The following PHF6 variants were observed in gnomAD, a reference collection of about 807,000 sequenced individuals.
PHF6 encodes PHD-like zinc finger protein.
A neutral mutation model predicts 34.0 loss-of-function variants in PHF6; 7 were observed. The ratio of observed to expected loss-of-function variants is 0.21; its 90% confidence interval spans 0.12 to 0.39. The LOEUF is 0.39. Among genes scored for constraint, PHF6 ranks in the 10% least tolerant of loss-of-function variants. The pLI is 1.00. For synonymous variants in PHF6, 89 were observed against 88.4 expected, an observed-to-expected ratio of 1.01 and a Z score of -0.04; for missense variants, 128 against 262.8, an observed-to-expected ratio of 0.49 and a Z score of 3.55.
At position 134,412,390 on chromosome X, in the gene PHF6, T is replaced by G. The variant is rs111334506; in HGVS notation, c.419-1101T>G. ...GTATACCAACTGAATTGCCCTTTTC[T>G]TATAATAAATGTGCTTTCATTTCTA... On this transcript the variant is annotated intron_variant, in intron 5 of 10. Coordinates refer to ENST00000370803, the MANE Select transcript of PHF6 (RefSeq NM_001015877.2). Among the ~76,000 whole-genome samples the G allele has an allele frequency of 7.3e-3, 816 of 111,993 alleles. 5 individuals are homozygous for G. The highest frequency in any genetic ancestry group is 0.025 in the African/African-American group (776 of 30,861).
At chrX:134,394,051 T>C in intron 5 of PHF6, 99 bp downstream of exon 5, 1 of 753,390 alleles carries the variant, frequency 1.3e-6, no homozygotes, top group Non-Finnish European at 2.1e-6. Context: ...CCATAAGACA[T>C]ATCTCAACAT....
At chrX:134,390,454 A>T (rs2124215799) in intron 3 of PHF6, among the ~76,000 whole-genome samples, 1 of 112,210 alleles carries the variant, frequency 8.9e-6, no homozygotes, top group South Asian at 3.7e-4. Context: ...TGCTGTAGTT[A>T]ACTGGTTATT....
intron 5 of PHF6, among the ~76,000 whole-genome samples, chrX:134,402,849 G>T (rs1298984517): frequency 9.0e-6 from 1 of 111,563 alleles, no homozygotes; most frequent in Non-Finnish European, 1.9e-5. Context: ...ATCCGTTATG[G>T]TGATCTGTGA....
chrX:134,404,214 G>A (rs1291671365), intron 5 of PHF6, among the ~76,000 whole-genome samples: 1 of 112,391 alleles, frequency 8.9e-6, no homozygotes, highest in Non-Finnish European at 1.9e-5. Flanking sequence ...TGATTCAAGG[G>A]CAGAGGTCAA....
chrX:134,414,349 A>G (rs1337666839), intron 7 of PHF6, among the ~76,000 whole-genome samples: 5 of 111,838 alleles, frequency 4.5e-5, no homozygotes, highest in Non-Finnish European at 9.4e-5. Context: ...TTAACACTCT[A>G]TATTACAATT....
At chrX:134,415,706 A>G (rs1390799905) in intron 8 of PHF6, among the ~76,000 whole-genome samples, 1 of 111,407 alleles carries the variant, frequency 9.0e-6, no homozygotes, top group Non-Finnish European at 1.9e-5. Context: ...TTTTGTTGGG[A>G]AAATTTTCAA....
chrX:134,379,672 C>T (rs2077297633), intron 3 of PHF6, among the ~76,000 whole-genome samples: 2 of 109,964 alleles, frequency 1.8e-5, no homozygotes, highest in African/African-American at 3.3e-5. Context: ...GAACTCCAGA[C>T]CTCAGGTGAT....
chrX:134,409,799 G>C (rs1341301186), intron 5 of PHF6, among the ~76,000 whole-genome samples: 1 of 109,839 alleles, frequency 9.1e-6, no homozygotes, highest in Admixed American at 9.8e-5. Flanking sequence ...TTCAACCCTT[G>C]CCCTTCTCCC....
chrX:134,406,147 C>T (rs1280883566), intron 5 of PHF6, among the ~76,000 whole-genome samples: 2 of 99,692 alleles, frequency 2.0e-5, no homozygotes, highest in African/African-American at 3.7e-5. Context: ...TATTGAGTAC[C>T]TACAAGGTGT....
intron 10 of PHF6, 66 bp from the exon 11 acceptor site, chrX:134,425,595 A>T: frequency 3.1e-6 from 1 of 325,618 alleles, no homozygotes; most frequent in South Asian, 5.7e-5. Context: ...ACTCCTCAAT[A>T]ACATTATATT....
chrX:134,386,325 A>G (rs2077331234), intron 3 of PHF6, among the ~76,000 whole-genome samples: 1 of 110,807 alleles, frequency 9.0e-6, no homozygotes, highest in Admixed American at 9.6e-5. Flanking sequence ...GTTAGAGCAG[A>G]GGTACCTAAC....
intron 10 of PHF6, 122 bp from the exon 11 acceptor site, chrX:134,425,539 T>C: frequency 4.8e-6 from 2 of 417,765 alleles, no homozygotes; most frequent in East Asian, 8.0e-5. Context: ...AGCTATCTGC[T>C]TTATCAATAA....
chrX:134,377,470 G>T, intron 1 of PHF6, 102 bp from the exon 2 acceptor site: 27 of 523,464 alleles, frequency 5.2e-5, no homozygotes, highest in East Asian at 1.6e-4. Context: ...ATTTAAAAAT[G>T]TGTATATTAA....
At chrX:134,418,839 CTT>C (rs775327610) in intron 9 of PHF6, 36 of 97,673 alleles carry the variant, frequency 3.7e-4, no homozygotes, top group Admixed American at 3.4e-4. Flanking sequence ...CCAATCTCCC[CTT>C]TTTTTTTTTT....
At chrX:134,382,849 G>A (rs748591643) in intron 3 of PHF6, among the ~76,000 whole-genome samples, 4 of 110,512 alleles carry the variant, frequency 3.6e-5, no homozygotes, top group Admixed American at 9.7e-5. Context: ...AATTGGTACC[G>A]GTGTCAGATT....
intron 5 of PHF6, among the ~76,000 whole-genome samples, chrX:134,401,482 A>G (rs1344382510): frequency 1.8e-5 from 2 of 112,030 alleles, no homozygotes; most frequent in East Asian, 5.6e-4. Flanking sequence ...TGTGACAAAC[A>G]TTAAAATACA....
chrX:134,393,195 CTTT>C (rs1402463381), intron 3 of PHF6, among the ~76,000 whole-genome samples: 1 of 111,735 alleles, frequency 8.9e-6, no homozygotes, highest in East Asian at 2.8e-4. Flanking sequence ...TAAAAAGTCT[CTTT>C]TATAATGTTA....
chrX:134,401,959 C>T (rs2077404041), intron 5 of PHF6, among the ~76,000 whole-genome samples: 1 of 104,391 alleles, frequency 9.6e-6, no homozygotes, highest in African/African-American at 3.6e-5. Context: ...CTTTAATATT[C>T]ACTTATTGGT....
chrX:134,420,568 T>A (rs2077487943), intron 9 of PHF6, among the ~76,000 whole-genome samples: 1 of 105,695 alleles, frequency 9.5e-6, no homozygotes, highest in East Asian at 3.0e-4. Flanking sequence ...TTTTTCCATT[T>A]AAAAAAAAAA....
Sources: gnomAD v4.1 joint callset for allele counts (sites outside exome capture counted in the v4.1 genomes callset) on GRCh38, gnomAD v4.1.1 for gene constraint, MANE v1.5 for transcripts, NCBI Gene and HGNC (gene_info 2026-07-23, HGNC 2026-07-21) for gene names.